Variants in LHFPL2 observed in about 807,000 individuals in gnomAD.
LHFPL2 encodes the protein LHFPL tetraspan subfamily member 2.
In LHFPL2, 7 loss-of-function variants were observed where a neutral mutation model predicts 17.5. The ratio of observed to expected loss-of-function variants is 0.40; its 90% CI spans 0.23 to 0.75. The LOEUF (loss-of-function observed/expected upper bound fraction) is 0.75, where lower values mean the gene tolerates loss of function less well. Ranked by LOEUF, LHFPL2 falls within the 30% of genes least tolerant of loss-of-function variation. LHFPL2 has a pLI of 0.37. For missense variants in LHFPL2, 241 were observed against 294.8 expected, an observed-to-expected ratio of 0.82 and a Z score of 1.34; for synonymous variants, 134 against 116.2, an observed-to-expected ratio of 1.15 and a Z score of -0.99.
chr5:78,616,713 G>A (rs1397722828), intron 2 of LHFPL2, among the ~76,000 whole-genome samples: 1 of 152,134 alleles, frequency 6.6e-6, no homozygotes, highest in Non-Finnish European at 1.5e-5. Flanking sequence ...TGCTCTCCTT[G>A]CAACACCTCA....
At chr5:78,527,972 T>C (rs1026897918) in intron 3 of LHFPL2, among the ~76,000 whole-genome samples, 13 of 152,238 alleles carry the variant, frequency 8.5e-5, no homozygotes, top group Admixed American at 5.9e-4. Flanking sequence ...TTCTCAGTTC[T>C]GATAACCCTC....
In LHFPL2 at chr5:78,603,037, C is replaced by T. The variant is rs144332794; in HGVS notation, c.-245+29227G>A. ...TCCTGAATAGCTGGGACTACAGGCG[C>T]GTGCCACCACACCCAGCTAATTTTT... On this transcript the variant is annotated intron_variant, in intron 2 of 4. Transcript: ENST00000380345. 3.7e-3 allele frequency among the ~76,000 whole-genome samples: 565 copies of T among 152,200 alleles called. 2 individuals carry two copies. Among genetic ancestry groups the T allele is most frequent in the Non-Finnish European group, 5.9e-3 (401 of 68,000 alleles).
intron 1 of LHFPL2, among the ~76,000 whole-genome samples, chr5:78,633,160 G>A (rs1015994648): frequency 2.6e-5 from 4 of 152,164 alleles, no homozygotes; most frequent in Admixed American, 6.5e-5. Flanking sequence ...AGGAGGCAAC[G>A]ACACCCCATC....
At chr5:78,638,968 T>C (rs571247279) in intron 1 of LHFPL2, among the ~76,000 whole-genome samples, 1 of 152,340 alleles carries the variant, frequency 6.6e-6, no homozygotes, top group East Asian at 1.9e-4. Context: ...ATTAAGTTTT[T>C]AAAATTTTTT....
chr5:78,498,138 G>A (rs1270623103), intron 4 of LHFPL2, among the ~76,000 whole-genome samples: 1 of 152,206 alleles, frequency 6.6e-6, no homozygotes, highest in African/African-American at 2.4e-5. Flanking sequence ...AATATTAGCA[G>A]TGTGAGCCTG....
chr5:78,572,946 G>C (rs1757040566), intron 2 of LHFPL2, among the ~76,000 whole-genome samples: 1 of 152,156 alleles, frequency 6.6e-6, no homozygotes, highest in Non-Finnish European at 1.5e-5. Context: ...GTTCACAATA[G>C]GGTTTGTGCT....
chr5:78,567,364 A>AT (rs916798312), intron 2 of LHFPL2, among the ~76,000 whole-genome samples: 17 of 150,438 alleles, frequency 1.1e-4, no homozygotes, highest in South Asian at 4.2e-4. Context: ...TGTGATTTTC[A>AT]TTTTTTTTTT....
intron 3 of LHFPL2, among the ~76,000 whole-genome samples, chr5:78,529,592 C>T (rs1317345390): frequency 6.6e-6 from 1 of 151,410 alleles, no homozygotes; most frequent in Admixed American, 6.6e-5. Flanking sequence ...GCCGAGATTG[C>T]GCCACTGCAG....
intron 4 of LHFPL2, chr5:78,494,514 C>G: frequency 1.0e-6 from 1 of 985,396 alleles, no homozygotes; most frequent in South Asian, 4.7e-5. Flanking sequence ...ATGGGGGGAT[C>G]ACATGATTCA....
intron 2 of LHFPL2, among the ~76,000 whole-genome samples, chr5:78,628,277 G>A (rs571713582): frequency 6.6e-6 from 1 of 152,236 alleles, no homozygotes; most frequent in East Asian, 1.9e-4. Flanking sequence ...ATGACCCCCT[G>A]CTCCTCTAAT....
At position 78,613,548 on chromosome 5, in the gene LHFPL2, G is replaced by A. The variant is rs539777669; in HGVS notation, c.-245+18716C>T. 5.3e-5 allele frequency among the ~76,000 whole-genome samples: 8 copies of A among 149,534 alleles called. No individual in the cohort carries two copies. In the East Asian group the frequency reaches 1.4e-3, roughly 25 times the overall value. ...CATAAGGTGGTTGTGAAGATTAAAT[G>A]TATTAATGAATGGGCAGTGTCTGGA... On this transcript the variant is annotated intron_variant, in intron 2 of 4. Transcript: ENST00000380345.
chr5:78,516,512 C>A lies in LHFPL2; in HGVS notation c.-185-6114G>T, dbSNP rs184954381. ...CAGGGGCGCTGTCAAACAAAAATTACCTGGCCCCAAATGTCAGTATCGTCA... is the reference window on the plus strand; with the variant it reads ...CAGGGGCGCTGTCAAACAAAAATTAACTGGCCCCAAATGTCAGTATCGTCA... On this transcript the variant is annotated intron_variant, in intron 3 of 4. Coordinates refer to ENST00000380345, the MANE Select transcript of LHFPL2 (RefSeq NM_005779.3). Among the ~76,000 whole-genome samples the A allele has an allele frequency of 2.8e-4, 43 of 152,206 alleles. No individual in the cohort carries two copies. In the East Asian group the frequency reaches 8.1e-3, roughly 29 times the overall value.
At chr5:78,584,895 T>C (rs1263607102) in intron 2 of LHFPL2, among the ~76,000 whole-genome samples, 1 of 151,758 alleles carries the variant, frequency 6.6e-6, no homozygotes, top group Non-Finnish European at 1.5e-5. Context: ...CGCTGCCGCC[T>C]TGCAGTTTGA....
intron 2 of LHFPL2, chr5:78,590,201 G>GAACAACAACAACAACAAC (rs3068896): frequency 2.1e-4 from 31 of 150,692 alleles, no homozygotes; most frequent in African/African-American, 7.5e-4. Context: ...ACCTAGCCAG[G>GAACAACAACAACAACAAC]AACAACAACA....
rs1426352542 is a variant in LHFPL2, at chr5:78,486,684, C to CT, written c.*2212dup. The CT allele has an allele frequency of 6.6e-6, 1 of 152,134 alleles. No individual in the cohort carries two copies. Among genetic ancestry groups the CT allele is most frequent in the Non-Finnish European group, 1.5e-5 (1 of 68,038 alleles). 9.4% of individuals were successfully genotyped at this position (152,134 alleles called of 1,614,324 possible). On this transcript the variant is annotated 3_prime_UTR_variant, in exon 5 of 5. Transcript: ENST00000380345. ...TGCATTCAGATTAATAACATAAACA[C>CT]TATCGAGTGAGTTTATTATGGCCAA...
chr5:78,511,681 C>G (rs1490461014), intron 3 of LHFPL2, among the ~76,000 whole-genome samples: 1 of 152,104 alleles, frequency 6.6e-6, no homozygotes, highest in East Asian at 1.9e-4. Flanking sequence ...TTAAAATGCC[C>G]GTTTCTACAC....
intron 2 of LHFPL2, among the ~76,000 whole-genome samples, chr5:78,608,530 T>C (rs1214834241): frequency 6.6e-6 from 1 of 151,504 alleles, no homozygotes; most frequent in Non-Finnish European, 1.5e-5. Flanking sequence ...TTTTAACTAC[T>C]GAAGCTTCAA....
chr5:78,490,771 T>C (rs999200602), intron 4 of LHFPL2, among the ~76,000 whole-genome samples: 9 of 120,106 alleles, frequency 7.5e-5, no homozygotes, highest in Admixed American at 7.3e-4. Context: ...AAAAGCAAGA[T>C]ACTGCAAGAG....
At chr5:78,550,156 C>T (rs1055979553) in intron 3 of LHFPL2, among the ~76,000 whole-genome samples, 1 of 152,316 alleles carries the variant, frequency 6.6e-6, no homozygotes, top group East Asian at 1.9e-4. Flanking sequence ...TAGCAAACCA[C>T]GCTACTTCTT....
Sources: gnomAD v4.1 joint callset for allele counts (sites outside exome capture counted in the v4.1 genomes callset) on GRCh38, gnomAD v4.1.1 for gene constraint, MANE v1.5 for transcripts, NCBI Gene and HGNC (gene_info 2026-07-23, HGNC 2026-07-21) for gene names.